MRAP2: variants seen among roughly 807,000 people sequenced by gnomAD.
MRAP2 encodes melanocortin-2 receptor accessory protein 2.
Under a neutral mutation model 17.4 loss-of-function variants are expected in MRAP2, and 20 were observed. That is an observed-to-expected ratio of 1.15 (90% confidence interval 0.81 to 1.67). The LOEUF (loss-of-function observed/expected upper bound fraction) is 1.67. MRAP2 is among the 40% of genes most tolerant of loss of function. The pLI, the probability that MRAP2 is intolerant of heterozygous loss-of-function variation, is 0.00. For missense variants in MRAP2, 238 were observed against 240.0 expected, an observed-to-expected ratio of 0.99 and a Z score of 0.05; for synonymous variants, 96 against 88.4, an observed-to-expected ratio of 1.09 and a Z score of -0.48.
downstream of MRAP2, among the ~76,000 whole-genome samples, chr6:84,093,363 G>A (rs2099502114): frequency 6.6e-6 from 1 of 152,096 alleles, no homozygotes; most frequent in Admixed American, 6.5e-5. Context: ...AGCTGCCTTG[G>A]TTTGTGCCTG....
At chr6:84,140,884 T>C in the MRAP2 span, among the ~76,000 whole-genome samples, 11 of 152,254 alleles carry the variant, frequency 7.2e-5, no homozygotes, top group South Asian at 1.2e-3. Flanking sequence ...CCCAGACTTT[T>C]TGGTACCAGG....
chr6:84,033,844 G>T lies in MRAP2; in HGVS notation c.-47G>T. 3.0e-6 allele frequency: 3 copies of T among 987,330 alleles called. No individual in the cohort carries two copies. The highest frequency in any genetic ancestry group is 1.1e-4 in the East Asian group (1 of 8,802). 61.2% of individuals were successfully genotyped at this position (987,330 alleles called of 1,614,324 possible). ...GCGCACCTCGGAGGAGCCAGGAGCC[G>T]GAACCAGGGCCGAGCCCGCGGGCCG... On this transcript the variant is annotated 5_prime_UTR_variant, in exon 1 of 4. Coordinates refer to ENST00000257776, the MANE Select transcript of MRAP2 (RefSeq NM_138409.4).
the MRAP2 span, among the ~76,000 whole-genome samples, chr6:84,121,798 A>G: frequency 1.3e-5 from 2 of 152,204 alleles, no homozygotes; most frequent in Admixed American, 6.5e-5. Flanking sequence ...GGATACAGCA[A>G]AAGTAATGTT....
the MRAP2 span, among the ~76,000 whole-genome samples, chr6:84,136,976 C>T: frequency 2.0e-5 from 3 of 152,188 alleles, no homozygotes; most frequent in Non-Finnish European, 4.4e-5. Flanking sequence ...TTGGGCTCTC[C>T]TGACCATGCT....
intron 1 of MRAP2, among the ~76,000 whole-genome samples, chr6:84,042,886 A>G (rs1168581188): frequency 1.3e-5 from 2 of 152,234 alleles, no homozygotes; most frequent in Non-Finnish European, 2.9e-5. Context: ...CACTGCTTTA[A>G]CTTACATTTC....
At chr6:84,140,752 T>C in the MRAP2 span, among the ~76,000 whole-genome samples, 2 of 152,174 alleles carry the variant, frequency 1.3e-5, no homozygotes, top group African/African-American at 4.8e-5. Flanking sequence ...TTCAAACTCC[T>C]GGCCTTGGGA....
chr6:84,034,682 C>A (rs1486150549), intron 1 of MRAP2, among the ~76,000 whole-genome samples: 1 of 151,992 alleles, frequency 6.6e-6, no homozygotes, highest in Non-Finnish European at 1.5e-5. Context: ...GTGAAACACT[C>A]TGGTGTTTTG....
At chr6:84,049,242 T>A (rs564786054) in intron 1 of MRAP2, among the ~76,000 whole-genome samples, 130 of 152,218 alleles carry the variant, frequency 8.5e-4, no homozygotes, top group African/African-American at 3.0e-3. Context: ...CTTGCCAGTG[T>A]GGTGAAACCC....
At chr6:84,109,364 AG>A in the MRAP2 span, among the ~76,000 whole-genome samples, 1 of 151,936 alleles carries the variant, frequency 6.6e-6, no homozygotes, top group African/African-American at 2.4e-5. Flanking sequence ...AGTGGTTTAT[AG>A]TTTTCCTTGA....
chr6:84,107,585 T>C, the MRAP2 span, among the ~76,000 whole-genome samples: 2 of 152,186 alleles, frequency 1.3e-5, no homozygotes, highest in Non-Finnish European at 2.9e-5. Flanking sequence ...CAAATTGTGA[T>C]ACAGTGCTGG....
At position 84,055,468 on chromosome 6, in the gene MRAP2, T is replaced by C. The variant is rs549581592; in HGVS notation, c.127+23T>C. ...AATGTAAGTTTTATACAATTCCTCA[T>C]TGAAAGCATAATTGTATTTCTCTTA... On this transcript the variant is annotated intron_variant, in intron 2 of 3. Transcript: ENST00000257776. 9 of 1,606,202 alleles carry C rather than the reference T, an allele frequency of 5.6e-6. No individual in the cohort carries two copies. The South Asian group carries it at 8.9e-5, about 16-fold the overall frequency.
intron 1 of MRAP2, among the ~76,000 whole-genome samples, chr6:84,036,660 G>A (rs879162507): frequency 6.6e-6 from 1 of 152,162 alleles, no homozygotes; most frequent in Non-Finnish European, 1.5e-5. Context: ...CCACAGTGTG[G>A]AAGGGGACCT....
At chr6:84,097,284 C>G in the MRAP2 span, among the ~76,000 whole-genome samples, 1 of 152,152 alleles carries the variant, frequency 6.6e-6, no homozygotes, top group African/African-American at 2.4e-5. Flanking sequence ...AGCCCTTTTC[C>G]TGAATAGATA....
the MRAP2 span, among the ~76,000 whole-genome samples, chr6:84,113,038 G>C: frequency 6.6e-6 from 1 of 152,192 alleles, no homozygotes; most frequent in Non-Finnish European, 1.5e-5. Flanking sequence ...TTTAGAATAA[G>C]TGTGATGTGG....
chr6:84,144,730 A>C, the MRAP2 span, among the ~76,000 whole-genome samples: 1 of 152,092 alleles, frequency 6.6e-6, no homozygotes, highest in Non-Finnish European at 1.5e-5. Context: ...GGACTAAGTA[A>C]ACTGATGAAG....
intron 1 of MRAP2, among the ~76,000 whole-genome samples, chr6:84,043,540 C>T (rs1277180075): frequency 1.3e-5 from 2 of 151,988 alleles, no homozygotes; most frequent in Admixed American, 6.6e-5. Context: ...TTGAGGGTTC[C>T]CCCGCTGCAG....
the MRAP2 span, among the ~76,000 whole-genome samples, chr6:84,112,880 G>A: frequency 6.6e-6 from 1 of 152,114 alleles, no homozygotes; most frequent in African/African-American, 2.4e-5. Flanking sequence ...TTCAGGAGCA[G>A]TTGTTCAGTT....
chr6:84,098,727 C>T, the MRAP2 span, among the ~76,000 whole-genome samples: 1 of 152,102 alleles, frequency 6.6e-6, no homozygotes, highest in Non-Finnish European at 1.5e-5. Context: ...AGCATTTTTT[C>T]ATATGCTTAT....
At chr6:84,134,161 G>A in the MRAP2 span, among the ~76,000 whole-genome samples, 7 of 152,160 alleles carry the variant, frequency 4.6e-5, no homozygotes, top group Non-Finnish European at 8.8e-5. Flanking sequence ...ATGCTATGAG[G>A]GGAAAACTGC....
Sources: allele counts gnomAD v4.1 joint callset (sites outside exome capture counted in the v4.1 genomes callset), GRCh38; gene constraint gnomAD v4.1.1; transcripts MANE v1.5; gene names NCBI Gene and HGNC (gene_info 2026-07-23, HGNC 2026-07-21).